Variants in SAMMSON observed in about 807,000 individuals in gnomAD.
SAMMSON encodes survival associated mitochondrial melanoma specific oncogenic non-coding RNA.
At chr3:70,195,401 A>G (rs1304785792) in intron 4 of SAMMSON, among the ~76,000 whole-genome samples, 1 of 152,228 alleles carries the variant, frequency 6.6e-6, no homozygotes, top group Non-Finnish European at 1.5e-5. Context: ...CTGCACTTCC[A>G]GGAGCAAGTT....
At chr3:70,348,689 A>G (rs1391771325) in intron 7 of SAMMSON, among the ~76,000 whole-genome samples, 2 of 152,194 alleles carry the variant, frequency 1.3e-5, no homozygotes, top group African/African-American at 4.8e-5. Flanking sequence ...GGGTATTGGA[A>G]CAGCATAGAA....
chr3:70,307,790 G>A (rs1702416305), intron 7 of SAMMSON, among the ~76,000 whole-genome samples: 1 of 152,110 alleles, frequency 6.6e-6, no homozygotes. Flanking sequence ...TGACAACACA[G>A]AACCAATGTC....
chr3:70,289,223 C>T (rs1360273922), intron 6 of SAMMSON, among the ~76,000 whole-genome samples: 7 of 149,856 alleles, frequency 4.7e-5, no homozygotes, highest in South Asian at 2.2e-4. Context: ...ATGTTTAGCG[C>T]TTCCTTCAGG....
At chr3:70,402,140 A>G (rs746048949) in intron 2 of SAMMSON, among the ~76,000 whole-genome samples, 7 of 152,210 alleles carry the variant, frequency 4.6e-5, no homozygotes, top group Non-Finnish European at 1.0e-4. Flanking sequence ...TGACATAGAA[A>G]GCCTTCTAGG....
At chr3:70,379,976 T>C (rs1703052012) in intron 9 of SAMMSON, among the ~76,000 whole-genome samples, 1 of 152,182 alleles carries the variant, frequency 6.6e-6, no homozygotes, top group Admixed American at 6.5e-5. Context: ...GTGTACTTTG[T>C]TAAATACTTT....
intron 1 of SAMMSON, among the ~76,000 whole-genome samples, chr3:70,001,239 T>C (rs946056274): frequency 6.6e-6 from 1 of 152,196 alleles, no homozygotes; most frequent in Non-Finnish European, 1.5e-5. Context: ...TTGAAAAAAA[T>C]TAAAAAACGA....
rs183505501 is a variant in SAMMSON at position 70,314,179 on chromosome 3, C to A, written n.739+22936C>A. On this transcript the variant is annotated intron_variant and non_coding_transcript_variant, in intron 7 of 9. Coordinates refer to ENST00000642114, the Ensembl canonical transcript of SAMMSON. ...GACAAAACTATAACCTCCTCCTCCC[C>A]CCAGTGCAACCAAGGGCCTAGCCTC... is the stretch of plus-strand genomic sequence containing the variant. 9.2e-5 allele frequency among the ~76,000 whole-genome samples: 14 copies of A among 152,102 alleles called. 1 individual carries two copies. The highest frequency in any genetic ancestry group is 9.2e-4 in the Admixed American group (14 of 15,258).
At chr3:70,162,455 T>A (rs1395492971) in intron 4 of SAMMSON, among the ~76,000 whole-genome samples, 7 of 151,930 alleles carry the variant, frequency 4.6e-5, no homozygotes, top group African/African-American at 1.4e-4. Flanking sequence ...ACAATTTTTT[T>A]TTCTGTTACC....
intron 4 of SAMMSON, among the ~76,000 whole-genome samples, chr3:70,178,851 A>G (rs1330234979): frequency 2.6e-5 from 4 of 152,092 alleles, no homozygotes; most frequent in African/African-American, 9.7e-5. Flanking sequence ...TTTACCAAAA[A>G]TACAAAAAAA....
chr3:70,349,380 A>C (rs1274572696), intron 7 of SAMMSON, among the ~76,000 whole-genome samples: 1 of 152,154 alleles, frequency 6.6e-6, no homozygotes, highest in African/African-American at 2.4e-5. Context: ...TCTTAAAAAA[A>C]AAATAAAATA....
intron 3 of SAMMSON, among the ~76,000 whole-genome samples, chr3:70,044,429 T>C (rs747037314): frequency 5.3e-5 from 8 of 152,066 alleles, no homozygotes; most frequent in Non-Finnish European, 8.8e-5. Context: ...ATTCCGATGA[T>C]TATAGTGGTA....
intron 3 of SAMMSON, among the ~76,000 whole-genome samples, chr3:70,050,148 C>T (rs9815027): frequency 0.41 from 62,642 of 151,942 alleles, 13,451 homozygotes; most frequent in East Asian, 0.6. Context: ...AAGAACTGCC[C>T]CACCGTGGCA....
At chr3:70,320,672 C>A (rs754059564) in intron 7 of SAMMSON, among the ~76,000 whole-genome samples, 12 of 152,008 alleles carry the variant, frequency 7.9e-5, no homozygotes, top group Non-Finnish European at 1.5e-4. Context: ...TTCAGCACCA[C>A]CAGGCCACCA....
intron 6 of SAMMSON, among the ~76,000 whole-genome samples, chr3:70,257,979 C>A (rs1422180248): frequency 6.6e-6 from 1 of 152,232 alleles, no homozygotes; most frequent in East Asian, 1.9e-4. Flanking sequence ...AGCTATGTAA[C>A]TATGGTCAAT....
chr3:70,108,441 T>TTTTTTTTTTTTTTTTTTTTTTTTTA (rs1553715435), intron 4 of SAMMSON, among the ~76,000 whole-genome samples: 5 of 146,404 alleles, frequency 3.4e-5, no homozygotes, highest in African/African-American at 1.3e-4. Context: ...TTTTTTTTTT[T>TTTTTTTTTTTTTTTTTTTTTTTTTA]ATCATAACTC....
chr3:70,352,248 A>G (rs1702799744), intron 7 of SAMMSON, among the ~76,000 whole-genome samples: 1 of 152,144 alleles, frequency 6.6e-6, no homozygotes, highest in Admixed American at 6.5e-5. Context: ...AAAGAAAAAA[A>G]TCTTGAAAGG....
chr3:70,253,834 C>T (rs945981568), intron 6 of SAMMSON, among the ~76,000 whole-genome samples: 1 of 152,118 alleles, frequency 6.6e-6, no homozygotes, highest in Non-Finnish European at 1.5e-5. Context: ...AGATGTGAAA[C>T]TCTTGTATTA....
intron 4 of SAMMSON, chr3:70,125,502 T>C (rs1012139508): frequency 1.4e-6 from 1 of 721,800 alleles, no homozygotes; most frequent in African/African-American, 1.8e-5. Flanking sequence ...TCTTCTGTGA[T>C]GTTCAAATTA....
chr3:70,116,018 G>A (rs372794686), intron 4 of SAMMSON, among the ~76,000 whole-genome samples: 3 of 90,252 alleles, frequency 3.3e-5, no homozygotes, highest in African/African-American at 1.4e-4. Flanking sequence ...ATATGTACCA[G>A]AATTCTACAT....
Sources: gnomAD v4.1 joint callset for allele counts (sites outside exome capture counted in the v4.1 genomes callset) on GRCh38, gnomAD v4.1.1 for gene constraint, MANE v1.5 for transcripts, NCBI Gene and HGNC (gene_info 2026-07-23, HGNC 2026-07-21) for gene names.